CELF6: variants seen among roughly 807,000 people sequenced by gnomAD.
CELF6 encodes the protein CUGBP Elav-like family member 6, also known as Bruno -like 6, RNA binding protein.
Under a neutral mutation model 53.1 loss-of-function variants are expected in CELF6, and 32 were observed. That is an observed-to-expected ratio of 0.60 (90% CI 0.46 to 0.81). The LOEUF is 0.81. CELF6 is among the 30% of genes least tolerant of loss of function. The pLI is 0.00. For synonymous variants in CELF6, 291 were observed against 288.8 expected (o/e 1.01, Z -0.08); for missense variants, 539 against 669.5 (o/e 0.81, Z 2.15).
chr15:72,301,857 C>T lies in CELF6; in HGVS notation c.394+2889G>A, dbSNP rs376503066. The stretch of plus-strand genomic sequence containing the variant: ...GTTCACGCCGTTCTCCCGTCTCAGC[C>T]TCCTGAGTAGATGGGACTACATGCG... On this transcript the variant is annotated intron_variant, in intron 3 of 12. Transcript: ENST00000287202. Among the ~76,000 whole-genome samples, 8 of 152,076 alleles carry T rather than the reference C, an allele frequency of 5.3e-5. No homozygotes were observed. In the East Asian group the frequency reaches 5.8e-4, roughly 11 times the overall value.
rs534638800 is a variant in CELF6 at position 72,285,600 on chromosome 15, T to A, written c.*771A>T. 7.3e-4 allele frequency: 112 copies of A among 152,396 alleles called. No individual in the cohort carries two copies. The highest frequency in any genetic ancestry group is 2.6e-3 in the African/African-American group (108 of 41,582). 9.4% of individuals were successfully genotyped at this position (152,396 alleles called of 1,614,324 possible). On this transcript the variant is annotated 3_prime_UTR_variant, in exon 13 of 13. Coordinates refer to ENST00000287202, the MANE Select transcript of CELF6 (RefSeq NM_052840.5). ...GGTTCCACAGGAAAGGCAATCCCAC[T>A]CTTGCTGGCTAGGGGGCCTCCCGGG...
At chr15:72,294,511 A>C (rs1595777421) in intron 3 of CELF6, among the ~76,000 whole-genome samples, 1 of 152,248 alleles carries the variant, frequency 6.6e-6, no homozygotes, top group African/African-American at 2.4e-5. Flanking sequence ...AGCCAGGACG[A>C]GAAGAGTCTC....
In CELF6 at chr15:72,288,686, T is replaced by A; in HGVS notation, c.1094-68A>T. 2 of 1,479,308 alleles carry A rather than the reference T, an allele frequency of 1.4e-6. No homozygotes were observed. The highest frequency in any genetic ancestry group is 9.2e-7 in the Non-Finnish European group (1 of 1,083,936). 91.6% of individuals were successfully genotyped at this position (1,479,308 alleles called of 1,614,324 possible). A position where few individuals can be genotyped will look rare whatever the true frequency, so the allele number is the denominator to read the frequency against. Reference sequence around the variant, plus strand: ...TTCCCCAAGCAGGGCCCCAACTGCCTGGCCGCTTTTGACCAATTCAGCCCA... The same window carrying A: ...TTCCCCAAGCAGGGCCCCAACTGCCAGGCCGCTTTTGACCAATTCAGCCCA... On this transcript the variant is annotated intron_variant, in intron 9 of 12. Coordinates refer to ENST00000287202, the MANE Select transcript of CELF6 (RefSeq NM_052840.5). This position sits in a 1 kb window ranked among gnomAD's most constrained non-coding sequence, Gnocchi z 4.6.
chr15:72,295,961 G>C (rs1416109655), intron 3 of CELF6, among the ~76,000 whole-genome samples: 1 of 152,096 alleles, frequency 6.6e-6, no homozygotes, highest in Admixed American at 6.5e-5. Context: ...AGAAGAAGAA[G>C]AACTCCCTGT....
chr15:72,289,501 G>A lies in CELF6; in HGVS notation c.754C>T (p.Gln252Ter). The A allele has an allele frequency of 6.6e-7, 1 of 1,518,308 alleles. No individual in the cohort carries two copies. The highest frequency in any genetic ancestry group is 2.1e-5 in the Admixed American group (1 of 47,812). The allele number at this position is 1,518,308 out of a possible 1,614,324, so 94.1% of individuals were successfully genotyped here. ...GCCGCCAGCAGGGCCGCCTGGTGCT[G>A]CAGGATCTTTGAGAGGAAAGATGGG... ...ACGAYTTAIL[Q>*]HQAALLAAAQ... The change falls in exon 7 of 13, where the codon CAG (glutamine) becomes TAG (stop). Residue 252 changes from glutamine to a stop codon, truncating the protein, a stop_gained. Transcript: ENST00000287202. LOFTEE classifies it high-confidence loss of function. This position sits in a 1 kb window ranked among gnomAD's most constrained non-coding sequence, Gnocchi z 7.6.
At position 72,289,058 on chromosome 15, in the gene CELF6, C is replaced by G; in HGVS notation, c.1030+80G>C. The G allele has an allele frequency of 2.3e-6, 3 of 1,304,476 alleles. No homozygotes were observed. Among genetic ancestry groups the G allele is most frequent in the Non-Finnish European group, 3.1e-6 (3 of 958,174 alleles). 80.8% of individuals were successfully genotyped at this position (1,304,476 alleles called of 1,614,324 possible). ...AGCAGGGAAGGAGGGGGATCTCTTC[C>G]CAGGGAAGCCAGGCCCTAACCCCCC... On this transcript the variant is annotated intron_variant, in intron 8 of 12. Coordinates refer to ENST00000287202, the MANE Select transcript of CELF6 (RefSeq NM_052840.5). The surrounding 1 kb of genome is among the most constrained non-coding windows in gnomAD (Gnocchi z 7.6).
At chr15:72,297,412 C>T (rs1236293537) in intron 3 of CELF6, among the ~76,000 whole-genome samples, 1 of 152,150 alleles carries the variant, frequency 6.6e-6, no homozygotes, top group Non-Finnish European at 1.5e-5. Context: ...CTTTCTGTGC[C>T]TGGGAAAACA....
Position 72,289,178 on chromosome 15 carries a change from G to T in CELF6, c.990C>A (p.Gly330=), listed in dbSNP as rs759094210. 11 of 1,558,546 alleles carry T rather than the reference G, an allele frequency of 7.1e-6. No homozygotes were observed. Among genetic ancestry groups the T allele is most frequent in the Non-Finnish European group, 9.5e-6 (11 of 1,162,456 alleles). Residue 330 remains glycine (G), a synonymous_variant, in exon 8 of 13, where the codon GGC becomes GGA. Transcript: ENST00000287202. This position sits in a 1 kb window ranked among gnomAD's most constrained non-coding sequence, Gnocchi z 7.6. ...GCCCGTTATTGTAGAGCGTGTCGGA[G>T]CCCGGCTGGCCATTGGTCTGGGGGG... ...PLTPQTNGQP[G]SDTLYNNGLS... is the part of the protein sequence containing the mutation.
At chr15:72,293,224 AG>A (rs1486879364) in intron 3 of CELF6, among the ~76,000 whole-genome samples, 1 of 152,172 alleles carries the variant, frequency 6.6e-6, no homozygotes, top group African/African-American at 2.4e-5. Flanking sequence ...CAGGAGGATA[AG>A]CTGGATCACA....
intron 3 of CELF6, 24 bp from the exon 4 acceptor site, chr15:72,290,279 C>T (rs2141185483): frequency 3.7e-6 from 6 of 1,608,638 alleles, no homozygotes; most frequent in Non-Finnish European, 5.1e-6. Flanking sequence ...CAGGAATGAC[C>T]TGGGGACCCC....
intron 2 of CELF6, among the ~76,000 whole-genome samples, chr15:72,314,583 C>G (rs577572666): frequency 7.2e-6 from 1 of 139,826 alleles, no homozygotes; most frequent in East Asian, 2.0e-4. Flanking sequence ...AGACTCAAAA[C>G]CCAGTGTTTT....
chr15:72,291,464 T>C (rs936075386), intron 3 of CELF6, among the ~76,000 whole-genome samples: 1 of 152,136 alleles, frequency 6.6e-6, no homozygotes, highest in Non-Finnish European at 1.5e-5. Context: ...TTCAAGACCT[T>C]GGAGTGCAGG....
At chr15:72,306,035 G>T (rs942735477) in intron 2 of CELF6, 3 of 967,988 alleles carry the variant, frequency 3.1e-6, no homozygotes, top group Middle Eastern at 5.3e-4. Flanking sequence ...CTTAAGTTGG[G>T]GTATTGCATA....
At position 72,285,065 on chromosome 15, in the gene CELF6, A is replaced by C. The variant is rs1377542747; in HGVS notation, c.*1306T>G. The C allele has an allele frequency of 6.5e-6, 1 of 152,776 alleles. No individual in the cohort carries two copies. The highest frequency in any genetic ancestry group is 2.4e-5 in the African/African-American group (1 of 41,456). The allele number at this position is 152,776 out of a possible 1,614,324, so 9.5% of individuals were successfully genotyped here. ...CCACCATTGATCAGCTTTATATGGC[A>C]CCCACTGTATACAACAGACAGACAA... On this transcript the variant is annotated 3_prime_UTR_variant, in exon 13 of 13. Coordinates refer to ENST00000287202, the MANE Select transcript of CELF6 (RefSeq NM_052840.5).
At position 72,290,193 on chromosome 15, in the gene CELF6, G is replaced by A; in HGVS notation, c.457C>T (p.Leu153=). ...TCGATGTGGCCAAAGGGCTGGAACA[G>A]GCGTCTGACGTCCTCCTCACCCTGC... ...KQQGEEDVRR[L]FQPFGHIEEC... Residue 153 remains leucine (L), a synonymous_variant, in exon 4 of 13, where the codon CTG becomes TTG. Coordinates refer to ENST00000287202, the MANE Select transcript of CELF6 (RefSeq NM_052840.5). 6.2e-7 allele frequency: 1 copy of A among 1,613,986 alleles called. No individual in the cohort carries two copies. The highest frequency in any genetic ancestry group is 8.5e-7 in the Non-Finnish European group (1 of 1,179,984).
chr15:72,289,278 G>C lies in CELF6; in HGVS notation c.890C>G (p.Ser297Cys). ...GGTGCCAGGGCCGCTGCCAGGCGGG[G>C]AGTTGGCTGCTGATGGCGGAAAAGG... The part of the protein sequence containing the change: ...APLLPAAAAN[S>C]PPGSGPGTLP... Residue 297 changes from serine to cysteine, a missense_variant, in exon 8 of 13, where the codon TCC (serine) becomes TGC (cysteine). Physicochemically the swap from Ser to Cys is moderately radical, Grantham distance 112. Transcript: ENST00000287202. The surrounding 1 kb of genome is among the most constrained non-coding windows in gnomAD (Gnocchi z 7.6). 1 of 1,574,658 alleles carries C rather than the reference G, an allele frequency of 6.4e-7. No individual in the cohort carries two copies. Among genetic ancestry groups the C allele is most frequent in the Non-Finnish European group, 8.6e-7 (1 of 1,165,372 alleles).
At chr15:72,317,050 T>G (rs2959917) in intron 1 of CELF6, among the ~76,000 whole-genome samples, 4,853 of 152,188 alleles carry the variant, frequency 0.032, 155 homozygotes, top group African/African-American at 0.075. Context: ...AATCAAGAAT[T>G]TGGTGTGTTG....
Position 72,320,122 on chromosome 15 carries a change from C to A in CELF6, c.-248G>T. 3.1e-6 allele frequency: 2 copies of A among 644,934 alleles called. No individual in the cohort carries two copies. Among genetic ancestry groups the A allele is most frequent in the East Asian group, 3.2e-5 (1 of 31,712 alleles). 40.0% of individuals were successfully genotyped at this position (644,934 alleles called of 1,614,324 possible). ...TGAACGCTGGGGTCTGGCTTGAGGT[C>A]CCCGTGCGGCTCTCTCTGGGCTCCC... On this transcript the variant is annotated 5_prime_UTR_variant, in exon 1 of 13. Transcript: ENST00000287202.
At chr15:72,294,027 T>G (rs957948670) in intron 3 of CELF6, among the ~76,000 whole-genome samples, 7 of 152,114 alleles carry the variant, frequency 4.6e-5, no homozygotes, top group African/African-American at 1.7e-4. Flanking sequence ...ACAAGTGGCT[T>G]AGGCTCCCAG....
Sources: allele counts gnomAD v4.1 joint callset (sites outside exome capture counted in the v4.1 genomes callset), GRCh38; gene constraint gnomAD v4.1.1; non-coding constraint Gnocchi (gnomAD v3.1); transcripts MANE v1.5; gene names NCBI Gene and HGNC (gene_info 2026-07-23, HGNC 2026-07-21).